SPTBN1: variants seen among roughly 807,000 people sequenced by gnomAD.
SPTBN1 encodes spectrin beta, non-erythrocytic 1, also known as spectrin beta chain, non-erythrocytic 1.
Under a neutral mutation model 266.4 loss-of-function variants are expected in SPTBN1, and 32 were observed. That is an observed-to-expected ratio of 0.12 (90% CI 0.09 to 0.16). The LOEUF (loss-of-function observed/expected upper bound fraction) is 0.16, where lower values mean the gene tolerates loss of function less well. Among genes scored for constraint, SPTBN1 ranks in the 10% least tolerant of loss-of-function variants. The probability of loss-of-function intolerance (pLI) is 1.00; values close to 1 mark genes in which losing one functional copy is unlikely to be tolerated. For synonymous variants in SPTBN1, 1,336 were observed against 1,162.2 expected (o/e 1.15, Z -3.04); for missense variants, 2,296 against 3,067.1 (o/e 0.75, Z 5.94).
chr2:54,525,698 C>T (rs1412584127), intron 1 of SPTBN1, among the ~76,000 whole-genome samples: 1 of 152,166 alleles, frequency 6.6e-6, no homozygotes, highest in African/African-American at 2.4e-5. Context: ...ATTCAGAAGC[C>T]CCACGTAGGT....
At chr2:54,521,675 G>T (rs555084932) in intron 1 of SPTBN1, among the ~76,000 whole-genome samples, 1 of 151,922 alleles carries the variant, frequency 6.6e-6, no homozygotes, top group African/African-American at 2.4e-5. Flanking sequence ...CACCGTGCCC[G>T]GCTAATTTTT....
intron 1 of SPTBN1, among the ~76,000 whole-genome samples, chr2:54,507,100 C>T (rs1477909013): frequency 6.6e-6 from 1 of 151,994 alleles, no homozygotes; most frequent in African/African-American, 2.4e-5. Flanking sequence ...TATATAGAAC[C>T]TTCTTAAGGG....
In SPTBN1 at chr2:54,646,360, G is replaced by A. The variant is rs1387314544; in HGVS notation, c.4751G>A (p.Arg1584His). 7 of 1,613,658 alleles carry A rather than the reference G, an allele frequency of 4.3e-6. No individual in the cohort carries two copies. Among genetic ancestry groups the A allele is most frequent in the Admixed American group, 1.7e-5 (1 of 59,934 alleles). ...CTCCTCATTGAGGAGACAGAGAAAC[G>A]CCACAGGCGGCTGGAGGAGGCGCAC... ...WGLLIEETEK[R>H]HRRLEEAHRA... The change falls in exon 23 of 36, where the codon CGC (arginine) becomes CAC (histidine). Residue 1584 changes from arginine to histidine, a missense_variant. Arg to His is a conservative substitution (Grantham distance 29, BLOSUM62 0). This residue lies in a region of SPTBN1 where 644 missense variants were observed against 745.3 expected (regional missense o/e 0.86). Coordinates refer to ENST00000356805, the MANE Select transcript of SPTBN1 (RefSeq NM_003128.3). This position sits in a 1 kb window ranked among gnomAD's most constrained non-coding sequence, Gnocchi z 4.4.
chr2:54,535,063 T>TG (rs1671520661), intron 2 of SPTBN1: 1 of 152,210 alleles, frequency 6.6e-6, no homozygotes, highest in African/African-American at 2.4e-5. Flanking sequence ...CGTTCTTCTG[T>TG]GAAAAATCTC....
intron 1 of SPTBN1, among the ~76,000 whole-genome samples, chr2:54,476,058 C>G (rs561208725): frequency 6.6e-6 from 1 of 151,848 alleles, no homozygotes; most frequent in African/African-American, 2.4e-5. Flanking sequence ...AAATTCCCTT[C>G]CATAGTTTAT....
At chr2:54,637,670 C>T (rs757584383) in intron 17 of SPTBN1, 43 bp from the exon 18 acceptor site, 4 of 1,463,530 alleles carry the variant, frequency 2.7e-6, no homozygotes, top group Admixed American at 3.4e-5. Context: ...TCAAGATTCT[C>T]TACTTCCTTT....
In SPTBN1 at chr2:54,617,653, C is replaced by T. The variant is rs2229506; in HGVS notation, c.612C>T (p.Asp204=). Residue 204 remains aspartate (D), a synonymous_variant, in exon 6 of 36, where the codon GAC becomes GAT. Transcript: ENST00000356805. ...ACAATTTCACCACTAGCTGGAGGGA[C>T]GGCATGGCCTTCAATGCACTGATAC... ...NIHNFTTSWR[D]GMAFNALIHK... 0.15 allele frequency: 236,098 copies of T among 1,613,400 alleles called. 18,272 individuals are homozygous for T. Among genetic ancestry groups the T allele is most frequent in the Middle Eastern group, 0.24 (1,448 of 6,060 alleles).
chr2:54,604,300 A>T (rs895799375), intron 3 of SPTBN1, among the ~76,000 whole-genome samples: 1 of 152,068 alleles, frequency 6.6e-6, no homozygotes, highest in Non-Finnish European at 1.5e-5. Context: ...ACCTTCCCTT[A>T]TATCTTCCTC....
intron 1 of SPTBN1, among the ~76,000 whole-genome samples, chr2:54,490,134 C>T (rs1159647515): frequency 6.7e-6 from 1 of 148,986 alleles, no homozygotes; most frequent in Non-Finnish European, 1.5e-5. Context: ...GGCTGGAGTG[C>T]AATCTCAGCT....
At chr2:54,536,619 A>G (rs182187177) in intron 2 of SPTBN1, among the ~76,000 whole-genome samples, 1 of 152,262 alleles carries the variant, frequency 6.6e-6, no homozygotes, top group East Asian at 1.9e-4. Context: ...CTAATGATTG[A>G]CTTCTGAAAA....
rs770119750 is a variant in SPTBN1, at chr2:54,629,097, C to A, written c.1963C>A (p.Arg655=). The A allele has an allele frequency of 2.5e-6, 4 of 1,613,646 alleles. 1 individual carries two copies. The South Asian group carries it at 4.4e-5, about 18-fold the overall frequency. Residue 655 remains arginine, a synonymous_variant, in exon 14 of 36, where the codon CGG becomes AGG. Transcript: ENST00000356805. ...GATGGCAGAAGAGGAAGGCTGGATACGGGAGAAGGAGAAGATCCTGTCCTC... is the reference window on the plus strand; with the variant it reads ...GATGGCAGAAGAGGAAGGCTGGATAAGGGAGAAGGAGAAGATCCTGTCCTC... ...WEMAEEEGWI[R]EKEKILSSDD... is the part of the protein sequence containing the mutation.
At chr2:54,483,267 T>A (rs145949737) in intron 1 of SPTBN1, among the ~76,000 whole-genome samples, 287 of 152,332 alleles carry the variant, frequency 1.9e-3, no homozygotes, top group African/African-American at 6.6e-3. Context: ...ACTCCCATTA[T>A]GGGCCCCCAT....
intron 34 of SPTBN1, among the ~76,000 whole-genome samples, chr2:54,666,401 G>A (rs968120277): frequency 1.3e-5 from 2 of 152,218 alleles, no homozygotes; most frequent in African/African-American, 4.8e-5. Context: ...CACAGTTTAA[G>A]GGAGGCTTTG....
chr2:54,555,392 C>G (rs1479978444), intron 2 of SPTBN1, among the ~76,000 whole-genome samples: 1 of 152,180 alleles, frequency 6.6e-6, no homozygotes, highest in East Asian at 1.9e-4. Context: ...ACCCCTCTAG[C>G]CAGATGTAAA....
chr2:54,607,490 A>C (rs1485051950), intron 3 of SPTBN1, among the ~76,000 whole-genome samples: 1 of 152,082 alleles, frequency 6.6e-6, no homozygotes, highest in Non-Finnish European at 1.5e-5. Flanking sequence ...AGGCGTGGTG[A>C]CTGGTGCCTA....
In SPTBN1 at chr2:54,526,543, G is replaced by A; in HGVS notation, c.125G>A (p.Arg42Gln). ...AACAGCTCTGCGCGGCTTTTTGAGC[G>A]GTCCCGCATCAAGGCTCTGGCAGGT... is the stretch of plus-strand genomic sequence containing the variant. ...NENSSARLFE[R>Q]SRIKALADER... Residue 42 changes from arginine (R) to glutamine (Q), a missense_variant, in exon 2 of 36, where the codon CGG (arginine) becomes CAG (glutamine). Around this residue, in one of 12 missense-constraint regions of SPTBN1, gnomAD observed 178 missense variants for 375.7 expected, o/e 0.47. Transcript: ENST00000356805. 3.1e-6 allele frequency: 5 copies of A among 1,613,970 alleles called. No homozygotes were observed. Among genetic ancestry groups the A allele is most frequent in the South Asian group, 1.1e-5 (1 of 91,058 alleles).
intron 32 of SPTBN1, chr2:54,661,920 TAAC>T (rs1413949343): frequency 2.1e-5 from 21 of 985,280 alleles, no homozygotes; most frequent in Non-Finnish European, 2.4e-5. Context: ...TAGCTTGTCA[TAAC>T]AAAATTTTAA....
chr2:54,607,584 T>C (rs1676930616), intron 3 of SPTBN1, among the ~76,000 whole-genome samples: 1 of 152,130 alleles, frequency 6.6e-6, no homozygotes, highest in Non-Finnish European at 1.5e-5. Context: ...GCCATTGCAC[T>C]CCAGCCTGGG....
At position 54,488,656 on chromosome 2, in the gene SPTBN1, T is replaced by C. The variant is rs74585701; in HGVS notation, c.-48+32138T>C. ...TCATCGTGGTGGCTTCTTTGTGATT[T>C]AGTTTCCCCTCCTCCCTTCACCATA... On this transcript the variant is annotated intron_variant, in intron 1 of 35. Transcript: ENST00000356805. Among the ~76,000 whole-genome samples, 114 of 152,314 alleles carry C rather than the reference T, an allele frequency of 7.5e-4. 3 individuals carry two copies. The East Asian group carries it at 0.021, about 29-fold the overall frequency.
Sources: allele counts gnomAD v4.1 joint callset (sites outside exome capture counted in the v4.1 genomes callset), GRCh38; gene constraint gnomAD v4.1.1; regional missense constraint gnomAD v4.1.1; non-coding constraint Gnocchi (gnomAD v3.1); transcripts MANE v1.5; gene names NCBI Gene and HGNC (gene_info 2026-07-23, HGNC 2026-07-21).